The following PTP4A1 variants were observed in gnomAD, a reference collection of about 807,000 sequenced individuals.
PTP4A1 encodes protein tyrosine phosphatase 4A1, also known as protein tyrosine phosphatase type IVA 1.
PTP4A1 carries 9 observed loss-of-function variants against 20.5 expected under a neutral mutation model. The observed-to-expected ratio is 0.44, with a 90% CI of 0.26 to 0.77. The LOEUF (loss-of-function observed/expected upper bound fraction) is 0.77. Among genes scored for constraint, PTP4A1 ranks in the 30% least tolerant of loss-of-function variants. The probability of loss-of-function intolerance (pLI) is 0.19; values close to 1 mark genes in which losing one functional copy is unlikely to be tolerated. For synonymous variants in PTP4A1, 78 were observed against 67.4 expected, an observed-to-expected ratio of 1.16 and a Z score of -0.77; for missense variants, 137 against 218.8, an observed-to-expected ratio of 0.63 and a Z score of 2.36.
intron 1 of PTP4A1, among the ~76,000 whole-genome samples, chr6:63,526,987 G>C (rs930711644): frequency 1.3e-5 from 2 of 151,486 alleles, no homozygotes; most frequent in Non-Finnish European, 2.9e-5. Flanking sequence ...TCTTTATTAG[G>C]GCACTGCTTC....
chr6:63,557,127 A>G (rs992599384), intron 3 of PTP4A1, among the ~76,000 whole-genome samples: 2 of 152,200 alleles, frequency 1.3e-5, no homozygotes, highest in Non-Finnish European at 2.9e-5. Flanking sequence ...GAATTCTTCA[A>G]AGGGTGTGAG....
chr6:63,579,229 C>T, intron 4 of PTP4A1, 28 bp from the exon 5 acceptor site: 1 of 1,569,866 alleles, frequency 6.4e-7, no homozygotes, highest in African/African-American at 1.4e-5. Flanking sequence ...TTTGAAAAAA[C>T]TATTTATCAA....
chr6:63,577,295 A>G (rs1581949592), intron 2 of PTP4A1, among the ~76,000 whole-genome samples: 2 of 152,140 alleles, frequency 1.3e-5, no homozygotes, highest in South Asian at 2.1e-4. Flanking sequence ...GATTTTTTAT[A>G]TATCTGCTTA....
intron 1 of PTP4A1, among the ~76,000 whole-genome samples, chr6:63,525,494 C>T (rs574093394): frequency 7.5e-4 from 115 of 152,328 alleles, no homozygotes; most frequent in African/African-American, 2.6e-3. Flanking sequence ...CAGTTGGTTC[C>T]AGTTTCCACT....
At chr6:63,526,431 T>C (rs1447144535) in intron 1 of PTP4A1, among the ~76,000 whole-genome samples, 2 of 152,040 alleles carry the variant, frequency 1.3e-5, no homozygotes, top group Non-Finnish European at 2.9e-5. Flanking sequence ...TTACATAATC[T>C]TTCCCAGAAT....
chr6:63,578,485 A>G lies in PTP4A1; in HGVS notation c.154A>G (p.Thr52Ala). The G allele has an allele frequency of 6.2e-7, 1 of 1,611,624 alleles. No individual in the cohort carries two copies. Among genetic ancestry groups the G allele is most frequent in the Non-Finnish European group, 8.5e-7 (1 of 1,179,218 alleles). The stretch of plus-strand genomic sequence containing the variant: ...CACAATAGTAAGAGTATGTGAAGCA[A>G]CTTATGACACTACTCTTGTGGAGAA... Reference protein sequence around the residue: ...VTTIVRVCEATYDTTLVEKEG... With the variant: ...VTTIVRVCEAAYDTTLVEKEG... Residue 52 changes from threonine to alanine, a missense_variant, in exon 3 of 6, where the codon ACT (threonine) becomes GCT (alanine). Transcript: ENST00000626021.
At chr6:63,526,325 A>AAAAT (rs954504452) in intron 1 of PTP4A1, among the ~76,000 whole-genome samples, 10 of 152,096 alleles carry the variant, frequency 6.6e-5, no homozygotes, top group East Asian at 5.8e-4. Flanking sequence ...ACTCCACCTC[A>AAAAT]AAATAAATAA....
intron 2 of PTP4A1, among the ~76,000 whole-genome samples, chr6:63,577,616 G>T (rs746846233): frequency 3.3e-5 from 5 of 152,006 alleles, no homozygotes; most frequent in Non-Finnish European, 7.4e-5. Context: ...GAGTGCAGTG[G>T]CATGATCTCA....
intron 2 of PTP4A1, among the ~76,000 whole-genome samples, chr6:63,535,483 G>A (rs770880401): frequency 5.3e-5 from 8 of 151,838 alleles, no homozygotes; most frequent in Non-Finnish European, 1.0e-4. Flanking sequence ...AAAAAAAAAA[G>A]CAATAATATG....
At chr6:63,526,051 G>A (rs190253854) in intron 1 of PTP4A1, among the ~76,000 whole-genome samples, 4 of 152,150 alleles carry the variant, frequency 2.6e-5, no homozygotes, top group East Asian at 1.9e-4. Context: ...TAGGCCAGGC[G>A]CAGTGGCTCA....
chr6:63,561,648 G>A (rs150689495), intron 3 of PTP4A1, among the ~76,000 whole-genome samples: 63 of 152,206 alleles, frequency 4.1e-4, no homozygotes, highest in African/African-American at 1.5e-3. Flanking sequence ...GTCACCTTGG[G>A]TTTTAGATGT....
At chr6:63,553,735 A>T (rs2622312) in intron 3 of PTP4A1, among the ~76,000 whole-genome samples, 60,864 of 152,006 alleles carry the variant, frequency 0.4, 12,802 homozygotes, top group African/African-American at 0.53. Context: ...GTAAATTATG[A>T]TTTAAAATTC....
intron 3 of PTP4A1, among the ~76,000 whole-genome samples, chr6:63,554,255 C>T (rs1776573491): frequency 6.6e-6 from 1 of 152,140 alleles, no homozygotes; most frequent in South Asian, 2.1e-4. Flanking sequence ...CTATTCTTGT[C>T]AAGCTTCTTG....
At chr6:63,540,969 C>T (rs142559297) in intron 2 of PTP4A1, among the ~76,000 whole-genome samples, 1 of 150,304 alleles carries the variant, frequency 6.7e-6, no homozygotes, top group East Asian at 2.0e-4. Flanking sequence ...CGCCAGTGCA[C>T]TCCAGCCTGG....
At chr6:63,559,056 GCTCA>G (rs908878247) in intron 3 of PTP4A1, among the ~76,000 whole-genome samples, 3 of 152,170 alleles carry the variant, frequency 2.0e-5, no homozygotes, top group African/African-American at 7.2e-5. Flanking sequence ...AGATCATTTT[GCTCA>G]CTCTGCTCCC....
intron 3 of PTP4A1, among the ~76,000 whole-genome samples, chr6:63,555,718 G>GA (rs1214317892): frequency 6.7e-6 from 1 of 148,482 alleles, no homozygotes; most frequent in African/African-American, 2.5e-5. Flanking sequence ...TTTTGAGACG[G>GA]AGTCTCGCTC....
intron 1 of PTP4A1, among the ~76,000 whole-genome samples, chr6:63,524,916 A>T (rs1775093944): frequency 6.6e-6 from 1 of 152,258 alleles, no homozygotes; most frequent in South Asian, 2.1e-4. Flanking sequence ...CCTCAGAGGC[A>T]TTCTTCATAT....
intron 3 of PTP4A1, among the ~76,000 whole-genome samples, chr6:63,555,692 C>CT (rs35538550): frequency 0.059 from 8,007 of 134,970 alleles, 569 homozygotes; most frequent in African/African-American, 0.15. Flanking sequence ...CAATTACACT[C>CT]TTTTTTTTTT....
chr6:63,557,330 C>T (rs1243571016), intron 3 of PTP4A1, among the ~76,000 whole-genome samples: 2 of 152,084 alleles, frequency 1.3e-5, no homozygotes, highest in Non-Finnish European at 2.9e-5. Context: ...CTTTGGGAGG[C>T]CAATGCAGGT....
Sources: gnomAD v4.1 joint callset for allele counts (sites outside exome capture counted in the v4.1 genomes callset) on GRCh38, gnomAD v4.1.1 for gene constraint, MANE v1.5 for transcripts, NCBI Gene and HGNC (gene_info 2026-07-23, HGNC 2026-07-21) for gene names.